The following DGCR8 variants were observed in gnomAD, a reference collection of about 807,000 sequenced individuals.
DGCR8 encodes the protein microprocessor complex subunit DGCR8.
A neutral mutation model predicts 78.5 loss-of-function variants in DGCR8; 14 were observed. The observed-to-expected ratio is 0.18, with a 90% CI of 0.12 to 0.28. The LOEUF (loss-of-function observed/expected upper bound fraction) is 0.28. DGCR8 is among the 10% of genes least tolerant of loss of function. DGCR8 has a pLI of 1.00. For synonymous variants in DGCR8, 399 were observed against 402.4 expected (o/e 0.99, Z 0.10); for missense variants, 702 against 1,022.5 (o/e 0.69, Z 4.28).
chr22:20,080,357 G>T lies in DGCR8; in HGVS notation c.-304G>T. ...TCCCGGCTGTGGTTTGGCTGCGGGCGGCTTGGGCAGCCCGCGGGCGCCTCA... is the reference window on the plus strand; with the variant it reads ...TCCCGGCTGTGGTTTGGCTGCGGGCTGCTTGGGCAGCCCGCGGGCGCCTCA... On this transcript the variant is annotated 5_prime_UTR_variant, in exon 1 of 14. Coordinates refer to ENST00000351989, the MANE Select transcript of DGCR8 (RefSeq NM_022720.7). 2.0e-6 allele frequency: 2 copies of T among 980,312 alleles called. No homozygotes were observed. Among genetic ancestry groups the T allele is most frequent in the Non-Finnish European group, 2.4e-6 (2 of 827,966 alleles). The allele number at this position is 980,312 out of a possible 1,614,324, so 60.7% of individuals were successfully genotyped here. A position where few individuals can be genotyped will look rare whatever the true frequency, so the allele number is the denominator to read the frequency against.
rs1337904513 is a variant in DGCR8 at position 20,087,310 on chromosome 22, CAG to C, written c.870_871del (p.Val291AlafsTer22). On this transcript the variant is annotated frameshift_variant, in exon 3 of 14. Transcript: ENST00000351989. LOFTEE classifies it high-confidence loss of function. The surrounding 1 kb of genome is among the most constrained non-coding windows in gnomAD (Gnocchi z 4.1). Reference sequence around the variant, plus strand: ...CAGCCGATGATGACCAAGATTAAAACAGTGCTCAAAAGTACGTGTGTGGGTCA... The same window carrying C: ...CAGCCGATGATGACCAAGATTAAAACTGCTCAAAAGTACGTGTGTGGGTCA... 6.2e-7 allele frequency: 1 copy of C among 1,609,096 alleles called. No individual in the cohort carries two copies. The highest frequency in any genetic ancestry group is 8.5e-7 in the Non-Finnish European group (1 of 1,176,450).
At chr22:20,101,290 C>T in intron 9 of DGCR8, 1 of 985,348 alleles carries the variant, frequency 1.0e-6, no homozygotes. Context: ...TATATGTCAT[C>T]TGTGGGCTGG....
rs1602471850 is a variant in DGCR8, at chr22:20,080,331, T to C, written c.-330T>C. On this transcript the variant is annotated 5_prime_UTR_variant, in exon 1 of 14. Coordinates refer to ENST00000351989, the MANE Select transcript of DGCR8 (RefSeq NM_022720.7). ...GCTGCGGCGGTCGGTCGGTGAGGCT[T>C]TCCCGGCTGTGGTTTGGCTGCGGGC... The C allele has an allele frequency of 2.0e-6, 2 of 980,744 alleles. No homozygotes were observed. The highest frequency in any genetic ancestry group is 2.3e-4 in the East Asian group (2 of 8,698). The allele number at this position is 980,744 out of a possible 1,614,324, so 60.8% of individuals were successfully genotyped here. A position where few individuals can be genotyped will look rare whatever the true frequency, so the allele number is the denominator to read the frequency against.
chr22:20,098,568 A>C (rs1005112500), intron 9 of DGCR8, among the ~76,000 whole-genome samples: 3 of 152,140 alleles, frequency 2.0e-5, no homozygotes, highest in South Asian at 4.1e-4. Context: ...CTTGCTCTCT[A>C]TTTGTGACTG....
intron 9 of DGCR8, chr22:20,101,568 A>G (rs1439224946): frequency 7.3e-5 from 72 of 980,066 alleles, no homozygotes; most frequent in Middle Eastern, 5.3e-4. Context: ...ACGGAGCGAG[A>G]ATATGTCTCA....
intron 9 of DGCR8, among the ~76,000 whole-genome samples, chr22:20,105,343 G>A (rs892489847): frequency 6.6e-6 from 1 of 152,200 alleles, no homozygotes; most frequent in Admixed American, 6.5e-5. Context: ...TCAGAATGGT[G>A]AGAGAATAAA....
At chr22:20,096,339 G>T in intron 9 of DGCR8, 2 of 451,484 alleles carry the variant, frequency 4.4e-6, no homozygotes, top group Non-Finnish European at 5.9e-6. Context: ...TGGTATCTCA[G>T]GGGTGGCAGA....
Position 20,087,415 on chromosome 22 carries a change from G to C in DGCR8, c.880+94G>C. On this transcript the variant is annotated intron_variant, in intron 3 of 13. Coordinates refer to ENST00000351989, the MANE Select transcript of DGCR8 (RefSeq NM_022720.7). The surrounding 1 kb of genome is among the most constrained non-coding windows in gnomAD (Gnocchi z 4.1). ...ATGCTTTGAGAGAGCTCTGGTGCCA[G>C]GTAGTGGGCTGGGTGGAGGCATGTT... The C allele has an allele frequency of 7.0e-7, 1 of 1,429,048 alleles. No homozygotes were observed. Among genetic ancestry groups the C allele is most frequent in the Non-Finnish European group, 9.4e-7 (1 of 1,059,976 alleles). 88.5% of individuals were successfully genotyped at this position (1,429,048 alleles called of 1,614,324 possible).
chr22:20,107,122 C>T, intron 11 of DGCR8, 149 bp from the exon 12 acceptor site: 1 of 814,524 alleles, frequency 1.2e-6, no homozygotes, highest in Non-Finnish European at 2.0e-6. Context: ...CTCAGGTGCC[C>T]AGAGCAGTGG....
intron 7 of DGCR8, among the ~76,000 whole-genome samples, chr22:20,092,172 C>T (rs150083562): frequency 1.3e-5 from 2 of 152,294 alleles, no homozygotes; most frequent in East Asian, 3.9e-4. Context: ...TTTTCCCTTC[C>T]AGTCTGTCCC....
intron 1 of DGCR8, among the ~76,000 whole-genome samples, chr22:20,083,160 G>A (rs2049436921): frequency 6.6e-6 from 1 of 152,186 alleles, no homozygotes; most frequent in Non-Finnish European, 1.5e-5. Flanking sequence ...TCACGTGGAT[G>A]CAGGCCATGA....
intron 1 of DGCR8, among the ~76,000 whole-genome samples, chr22:20,081,475 G>C (rs2049417525): frequency 6.6e-6 from 1 of 152,238 alleles, no homozygotes; most frequent in Non-Finnish European, 1.5e-5. Context: ...AGGCCTACGG[G>C]CAGAGAGCTC....
intron 1 of DGCR8, among the ~76,000 whole-genome samples, chr22:20,083,317 G>C (rs932592174): frequency 6.6e-6 from 1 of 151,366 alleles, no homozygotes; most frequent in African/African-American, 2.4e-5. Flanking sequence ...TAAAATGTGA[G>C]CTCTGTAGGG....
intron 9 of DGCR8, chr22:20,101,061 C>A: frequency 2.4e-6 from 1 of 417,996 alleles, no homozygotes; most frequent in Non-Finnish European, 3.2e-6. Context: ...TTGATTTCTC[C>A]GGGGAGCCCA....
Position 20,085,568 on chromosome 22 carries a change from A to G in DGCR8, c.-277-119A>G. 3 of 783,852 alleles carry G rather than the reference A, an allele frequency of 3.8e-6. No individual in the cohort carries two copies. The highest frequency in any genetic ancestry group is 5.2e-6 in the Non-Finnish European group (3 of 579,852). 48.6% of individuals were successfully genotyped at this position (783,852 alleles called of 1,614,324 possible). ...GTTTTGATGCCTAAAAAGTCCTCTT[A>G]GGGAATATTATTTTGAAGCCCTTTA... On this transcript the variant is annotated intron_variant, in intron 1 of 13. Coordinates refer to ENST00000351989, the MANE Select transcript of DGCR8 (RefSeq NM_022720.7). This position sits in a 1 kb window ranked among gnomAD's most constrained non-coding sequence, Gnocchi z 6.2.
intron 10 of DGCR8, 57 bp downstream of exon 10, chr22:20,106,334 G>T (rs1489562101): frequency 3.5e-6 from 5 of 1,419,924 alleles, no homozygotes; most frequent in Non-Finnish European, 4.9e-6. Context: ...CCTCTCTGGC[G>T]TCTCATATTC....
In DGCR8 at chr22:20,111,706, G is replaced by GGGGGGGCCC; in HGVS notation, c.*1598_*1599insGGGGGGCCC. On this transcript the variant is annotated 3_prime_UTR_variant, in exon 14 of 14. Coordinates refer to ENST00000351989, the MANE Select transcript of DGCR8 (RefSeq NM_022720.7). The stretch of plus-strand genomic sequence containing the variant: ...TGCCATACTCTTGTGGTCTCTGTGC[G>GGGGGGGCCC]CCCCCCCCCCCCCCCCACCCGTCTG... 1 of 63,040 alleles carries GGGGGGGCCC rather than the reference G, an allele frequency of 1.6e-5. No individual in the cohort carries two copies. The highest frequency in any genetic ancestry group is 2.0e-4 in the East Asian group (1 of 4,964). 3.9% of individuals were successfully genotyped at this position (63,040 alleles called of 1,614,324 possible). A position where few individuals can be genotyped will look rare whatever the true frequency, so the allele number is the denominator to read the frequency against.
At chr22:20,098,538 T>C (rs1252984715) in intron 9 of DGCR8, among the ~76,000 whole-genome samples, 3 of 152,236 alleles carry the variant, frequency 2.0e-5, no homozygotes, top group Non-Finnish European at 4.4e-5. Flanking sequence ...CCCTTAAGTT[T>C]ATAGTTTTTG....
rs150452565 is a variant in DGCR8, at chr22:20,085,029, C to A, written c.-277-658C>A. The A allele has an allele frequency of 4.7e-5, 46 of 985,398 alleles. No homozygotes were observed. The East Asian group carries it at 4.2e-3, about 90-fold the overall frequency. 61.0% of individuals were successfully genotyped at this position (985,398 alleles called of 1,614,324 possible). A position where few individuals can be genotyped will look rare whatever the true frequency, so the allele number is the denominator to read the frequency against. On this transcript the variant is annotated intron_variant, in intron 1 of 13. Transcript: ENST00000351989. The surrounding 1 kb of genome is among the most constrained non-coding windows in gnomAD (Gnocchi z 6.2). ...TCTCTTGTGGCTCCCCACCCCAAAT[C>A]CTGGCAGGTCCCTTCCCCACAGCCA... is the stretch of plus-strand genomic sequence containing the variant.
Sources: allele counts gnomAD v4.1 joint callset (sites outside exome capture counted in the v4.1 genomes callset), GRCh38; gene constraint gnomAD v4.1.1; non-coding constraint Gnocchi (gnomAD v3.1); transcripts MANE v1.5; gene names NCBI Gene and HGNC (gene_info 2026-07-23, HGNC 2026-07-21).